Variants in RABGGTB observed in about 807,000 individuals in gnomAD.
RABGGTB encodes the protein Rab geranylgeranyltransferase subunit beta.
A neutral mutation model predicts 44.5 loss-of-function variants in RABGGTB; 20 were observed. The ratio of observed to expected loss-of-function variants is 0.45; its 90% confidence interval spans 0.32 to 0.65. The LOEUF is 0.65. Ranked by LOEUF, RABGGTB falls within the 30% of genes least tolerant of loss-of-function variation. RABGGTB has a pLI of 0.05. For missense variants in RABGGTB, 302 were observed against 398.7 expected (o/e 0.76, Z 2.06); for synonymous variants, 128 against 136.7 (o/e 0.94, Z 0.44).
At chr1:75,789,800 T>C (rs918408049) in intron 3 of RABGGTB, 152 bp from the exon 4 acceptor site, 1 of 618,472 alleles carries the variant, frequency 1.6e-6, no homozygotes, top group African/African-American at 1.9e-5. Context: ...TACTATCTAA[T>C]TTTATTCAAT....
chr1:75,786,291 C>A lies in RABGGTB; in HGVS notation c.3+17C>A, dbSNP rs542326935. The A allele has an allele frequency of 5.0e-6, 8 of 1,614,104 alleles. No homozygotes were observed. The East Asian group carries it at 1.8e-4, about 36-fold the overall frequency. On this transcript the variant is annotated intron_variant, in intron 1 of 8. Coordinates refer to ENST00000319942, the MANE Select transcript of RABGGTB (RefSeq NM_004582.4). ...TTAGACATGGTAAGTGTGAGTTTAG[C>A]GCTGCTGTCCGGATGGGTTGGTAGC...
chr1:75,793,505 A>C (rs1156496872), intron 7 of RABGGTB: 1 of 152,400 alleles, frequency 6.6e-6, no homozygotes, highest in East Asian at 1.9e-4. Context: ...AACTGTCAAC[A>C]GAAAAATGGG....
At chr1:75,788,929 TTAAC>T (rs1313827967) in intron 2 of RABGGTB, 4 of 537,436 alleles carry the variant, frequency 7.4e-6, no homozygotes, top group Non-Finnish European at 1.3e-5. Flanking sequence ...CAGCCATAGA[TTAAC>T]TAATCCTGTG....
At chr1:75,791,255 C>G (rs762370184) in intron 4 of RABGGTB, 30 bp from the exon 5 acceptor site, 1 of 1,578,394 alleles carries the variant, frequency 6.3e-7, no homozygotes, top group Non-Finnish European at 8.7e-7. Flanking sequence ...TTGGTAACAC[C>G]TGCCTTGATT....
intron 1 of RABGGTB, chr1:75,786,807 A>G (rs1008300622): frequency 1.3e-5 from 4 of 307,146 alleles, no homozygotes; most frequent in Non-Finnish European, 2.5e-5. Flanking sequence ...GGTGGAGAAG[A>G]TGGAGCTAAA....
chr1:75,788,932 A>G (rs769765015), intron 2 of RABGGTB: 43 of 548,840 alleles, frequency 7.8e-5, no homozygotes, highest in Admixed American at 6.8e-4. Context: ...CCATAGATTA[A>G]CTAATCCTGT....
At chr1:75,789,748 TA>T in intron 3 of RABGGTB, 1 of 575,708 alleles carries the variant, frequency 1.7e-6, no homozygotes, top group South Asian at 2.3e-5. Flanking sequence ...AGTTAAAATT[TA>T]TATGTAGAAA....
chr1:75,787,760 C>G (rs1255803337), intron 2 of RABGGTB, 156 bp downstream of exon 2: 1 of 678,222 alleles, frequency 1.5e-6, no homozygotes, highest in African/African-American at 1.8e-5. Context: ...GTGCTTTGGA[C>G]GTCTGAGGCT....
In RABGGTB at chr1:75,789,219, G is replaced by A; in HGVS notation, c.172G>A (p.Asp58Asn). The change falls in exon 3 of 9, where the codon GAT (aspartate) becomes AAT (asparagine). Residue 58 changes from aspartate (D) to asparagine (N), a missense_variant. Asp to Asn is a conservative substitution (Grantham distance 23). Transcript: ENST00000319942. ...CATCTATTGGGGTCTGACAGTAATG[G>A]ATCTCATGGGACAACTTCATCGCAT... ...SGIYWGLTVMDLMGQLHRMNR... is the reference protein window; with the variant it reads ...SGIYWGLTVMNLMGQLHRMNR... 6.2e-7 allele frequency: 1 copy of A among 1,614,058 alleles called. No individual in the cohort carries two copies. The highest frequency in any genetic ancestry group is 1.1e-5 in the South Asian group (1 of 91,074).
In RABGGTB at chr1:75,787,215, A is replaced by G. The variant is rs535884169; in HGVS notation, c.4-282A>G. 38 of 638,036 alleles carry G rather than the reference A, an allele frequency of 6.0e-5. No individual in the cohort carries two copies. The African/African-American group carries it at 6.2e-4, about 10-fold the overall frequency. The allele number at this position is 638,036 out of a possible 1,614,324, so 39.5% of individuals were successfully genotyped here. Reference sequence around the variant, plus strand: ...TTTAAGTTCTTTTTTGTTGGATACAATTTGTTGTTGTTGTTGTTGTTTTGG... The same window carrying G: ...TTTAAGTTCTTTTTTGTTGGATACAGTTTGTTGTTGTTGTTGTTGTTTTGG... On this transcript the variant is annotated intron_variant, in intron 1 of 8. Coordinates refer to ENST00000319942, the MANE Select transcript of RABGGTB (RefSeq NM_004582.4).
At chr1:75,793,785 G>A (rs1373695810) in intron 7 of RABGGTB, 2 of 258,590 alleles carry the variant, frequency 7.7e-6, no homozygotes, top group Non-Finnish European at 1.4e-5. Flanking sequence ...GCTGAGTTAG[G>A]CATTCATTGC....
intron 1 of RABGGTB, 41 bp from the exon 2 acceptor site, chr1:75,787,456 T>G: frequency 7.0e-7 from 1 of 1,420,548 alleles, no homozygotes; most frequent in Non-Finnish European, 1.0e-6. Flanking sequence ...AAGAACGTTG[T>G]AGAGGTAAAC....
rs1188547641 is a variant in RABGGTB, at chr1:75,794,664, A to G, written c.*14A>G. ...CTAGTGAGCTAGATTCATTGAATTG[A>G]AAGTTGCATAGTATAGTTTTGCCAT... On this transcript the variant is annotated 3_prime_UTR_variant, in exon 9 of 9. Coordinates refer to ENST00000319942, the MANE Select transcript of RABGGTB (RefSeq NM_004582.4). The G allele has an allele frequency of 6.3e-7, 1 of 1,580,230 alleles. No individual in the cohort carries two copies. The highest frequency in any genetic ancestry group is 1.2e-5 in the South Asian group (1 of 84,264).
In RABGGTB at chr1:75,786,607, G is replaced by A. The variant is rs140799716; in HGVS notation, c.3+333G>A. On this transcript the variant is annotated intron_variant, in intron 1 of 8. Coordinates refer to ENST00000319942, the MANE Select transcript of RABGGTB (RefSeq NM_004582.4). The stretch of plus-strand genomic sequence containing the variant: ...GGGTGTCAAAGATTTCTTTAAAATC[G>A]TTAGTGATGTGGTCTCGCTTTAAGA... 695 of 346,412 alleles carry A rather than the reference G, an allele frequency of 2.0e-3. 9 individuals carry two copies. The highest frequency in any genetic ancestry group is 0.013 in the South Asian group (358 of 26,542). The allele number at this position is 346,412 out of a possible 1,614,324, so 21.5% of individuals were successfully genotyped here.
At position 75,787,567 on chromosome 1, in the gene RABGGTB, A is replaced by T. The variant is rs1404747063; in HGVS notation, c.74A>T (p.Asp25Val). 6.2e-7 allele frequency: 1 copy of T among 1,613,512 alleles called. No individual in the cohort carries two copies. Among genetic ancestry groups the T allele is most frequent in the Non-Finnish European group, 8.5e-7 (1 of 1,179,400 alleles). ...PDTLLLEKHA[D>V]YIASYGSKKD... ...ACTTTGTTATTGGAGAAACATGCAG[A>T]TTATATCGCATCCTATGGCTCAAAG... Residue 25 changes from aspartate (D) to valine (V), a missense_variant, in exon 2 of 9, where the codon GAT (aspartate) becomes GTT (valine). By Grantham distance (152) the Asp-to-Val change is radical. This residue lies in a region of RABGGTB where 89 missense variants were observed against 75.0 expected (regional missense o/e 1.19). Transcript: ENST00000319942.
intron 7 of RABGGTB, 67 bp from the exon 8 acceptor site, chr1:75,794,017 T>A (rs1257587774): frequency 1.6e-5 from 14 of 854,616 alleles, no homozygotes; most frequent in Middle Eastern, 3.2e-4. Context: ...TTAACCCACT[T>A]TTAAATTGTT....
At chr1:75,789,695 T>C (rs1168049461) in intron 3 of RABGGTB, 2 of 569,914 alleles carry the variant, frequency 3.5e-6, no homozygotes, top group African/African-American at 3.7e-5. Context: ...ATCAGGACTT[T>C]GTGTGGATGT....
intron 8 of RABGGTB, 113 bp from the exon 9 acceptor site, chr1:75,794,397 T>C: frequency 7.6e-7 from 1 of 1,322,028 alleles, no homozygotes; most frequent in East Asian, 2.4e-5. Flanking sequence ...TTACAGAAAT[T>C]TCTTGTCGCT....
chr1:75,789,647 AAAGT>A, intron 3 of RABGGTB: 1 of 614,494 alleles, frequency 1.6e-6, no homozygotes, highest in South Asian at 1.8e-5. Context: ...CTGGTGGTTT[AAAGT>A]CTTTCTGGTA....
Sources: gnomAD v4.1 joint callset for allele counts on GRCh38, gnomAD v4.1.1 for gene constraint, gnomAD v4.1.1 regional missense constraint, MANE v1.5 for transcripts, NCBI Gene and HGNC (gene_info 2026-07-23, HGNC 2026-07-21) for gene names.